Variants in PRKCB observed in about 807,000 individuals in gnomAD.
PRKCB encodes the protein protein kinase C beta type.
A neutral mutation model predicts 81.5 loss-of-function variants in PRKCB; 13 were observed. The observed-to-expected ratio is 0.16, with a 90% CI of 0.10 to 0.25. The LOEUF (loss-of-function observed/expected upper bound fraction) is 0.25, where lower values mean the gene tolerates loss of function less well. Among genes scored for constraint, PRKCB ranks in the 10% least tolerant of loss-of-function variants. The probability of loss-of-function intolerance (pLI) is 1.00; values close to 1 mark genes in which losing one functional copy is unlikely to be tolerated. For missense variants in PRKCB, 509 were observed against 875.7 expected (o/e 0.58, Z 5.29); for synonymous variants, 335 against 321.4 (o/e 1.04, Z -0.45).
At chr16:23,982,270 CCCTTT>C (rs1261364622) in intron 2 of PRKCB, among the ~76,000 whole-genome samples, 115 of 68,320 alleles carry the variant, frequency 1.7e-3, no homozygotes, top group African/African-American at 3.5e-3. Flanking sequence ...CCCTTCCCTT[CCCTTT>C]CCCTTCTCCT....
At chr16:23,857,850 T>C (rs1388584321) in intron 2 of PRKCB, among the ~76,000 whole-genome samples, 1 of 152,186 alleles carries the variant, frequency 6.6e-6, no homozygotes, top group Non-Finnish European at 1.5e-5. Flanking sequence ...GCCATTAACT[T>C]GAGCTGACAT....
intron 10 of PRKCB, among the ~76,000 whole-genome samples, chr16:24,156,032 G>C (rs756222571): frequency 2.0e-5 from 3 of 152,118 alleles, no homozygotes; most frequent in Non-Finnish European, 2.9e-5. Context: ...AGCGACTGAT[G>C]GTTGGTGCCT....
At chr16:23,937,009 T>C (rs1964070453) in intron 2 of PRKCB, among the ~76,000 whole-genome samples, 2 of 152,256 alleles carry the variant, frequency 1.3e-5, no homozygotes, top group South Asian at 4.1e-4. Context: ...TCTGAAATTG[T>C]AGTAGGTACA....
Position 23,836,384 on chromosome 16 carries a change from C to G in PRKCB, c.173+36C>G, listed in dbSNP as rs367714554. On this transcript the variant is annotated intron_variant, in intron 1 of 16. Transcript: ENST00000643927. The stretch of plus-strand genomic sequence containing the variant: ...GCGCGCAGGGCACCTTCCCGGGCCC[C>G]CGAGGGCAGCGCCGCGCCAGGGACC... 7 of 1,590,078 alleles carry G rather than the reference C, an allele frequency of 4.4e-6. No individual in the cohort carries two copies. The Admixed American group carries it at 1.2e-4, about 27-fold the overall frequency.
chr16:23,865,517 A>ATGTG (rs1160958906), intron 2 of PRKCB, among the ~76,000 whole-genome samples: 5 of 6,756 alleles, frequency 7.4e-4, no homozygotes, highest in Non-Finnish European at 9.7e-4. Flanking sequence ...ATATATATAT[A>ATGTG]TGTGTGTGTG....
chr16:23,977,816 G>A (rs1002848449), intron 2 of PRKCB, among the ~76,000 whole-genome samples: 1 of 152,064 alleles, frequency 6.6e-6, no homozygotes, highest in African/African-American at 2.4e-5. Flanking sequence ...TGTTGGGGCC[G>A]GCTGCCCACA....
chr16:23,901,230 G>A (rs1223141994), intron 2 of PRKCB, among the ~76,000 whole-genome samples: 5 of 152,140 alleles, frequency 3.3e-5, no homozygotes, highest in Admixed American at 2.6e-4. Flanking sequence ...AGTTCATACA[G>A]CACAGCAAGA....
chr16:24,208,378 A>ATTT (rs1261318509), intron 16 of PRKCB: 2 of 152,284 alleles, frequency 1.3e-5, no homozygotes, highest in Non-Finnish European at 2.9e-5. Flanking sequence ...TGAAACAGAA[A>ATTT]TTAAAAGAGA....
In PRKCB at chr16:24,058,677, A is replaced by G. The variant is rs146217755; in HGVS notation, c.529+23130A>G. ...GAGAGAAGCATGAATGTTACCATGA[A>G]GGTGCCTAGGGTTTCTGGTGTGTTC... On this transcript the variant is annotated intron_variant, in intron 5 of 16. Coordinates refer to ENST00000643927, the MANE Select transcript of PRKCB (RefSeq NM_002738.7). Among the ~76,000 whole-genome samples, 18 of 152,300 alleles carry G rather than the reference A, an allele frequency of 1.2e-4. No homozygotes were observed. The East Asian group carries it at 3.5e-3, about 29-fold the overall frequency.
Position 23,941,430 on chromosome 16 carries a change from C to T in PRKCB, c.206-47078C>T, listed in dbSNP as rs1290195858. Among the ~76,000 whole-genome samples, 4 of 152,078 alleles carry T rather than the reference C, an allele frequency of 2.6e-5. No homozygotes were observed. In the East Asian group the frequency reaches 5.8e-4, roughly 22 times the overall value. On this transcript the variant is annotated intron_variant, in intron 2 of 16. Coordinates refer to ENST00000643927, the MANE Select transcript of PRKCB (RefSeq NM_002738.7). The stretch of plus-strand genomic sequence containing the variant: ...CTCTTACCCTAGCATCATACATACA[C>T]AAAAATCTAACAAAGATAAGGCAAA...
intron 2 of PRKCB, among the ~76,000 whole-genome samples, chr16:23,972,075 T>C (rs1964564515): frequency 6.6e-6 from 1 of 152,208 alleles, no homozygotes; most frequent in Non-Finnish European, 1.5e-5. Flanking sequence ...AACTTTAGAA[T>C]AATCATATAA....
intron 16 of PRKCB, among the ~76,000 whole-genome samples, chr16:24,204,546 G>A (rs1160114415): frequency 6.6e-6 from 1 of 152,174 alleles, no homozygotes; most frequent in African/African-American, 2.4e-5. Context: ...CTATTTGAGG[G>A]TGAGTTTACT....
At chr16:24,002,836 C>T (rs1292952338) in intron 3 of PRKCB, among the ~76,000 whole-genome samples, 5 of 152,082 alleles carry the variant, frequency 3.3e-5, no homozygotes, top group South Asian at 2.1e-4. Context: ...CCAGATGCCT[C>T]GTTTGCCCTT....
In PRKCB at chr16:24,197,045, G is replaced by A. The variant is rs185723004; in HGVS notation, c.1863+5815G>A. On this transcript the variant is annotated intron_variant, in intron 16 of 16. Coordinates refer to ENST00000643927, the MANE Select transcript of PRKCB (RefSeq NM_002738.7). ...GTGTGCTGGTTCTGTCCTCTGGTGG[G>A]GATGTTGTCAGATATTGAGTTATCC... 3.3e-3 allele frequency among the ~76,000 whole-genome samples: 498 copies of A among 152,276 alleles called. 16 individuals are homozygous for A. The highest frequency in any genetic ancestry group is 3.4e-4 in the Non-Finnish European group (23 of 68,032).
chr16:24,048,203 T>C (rs970317149), intron 5 of PRKCB, among the ~76,000 whole-genome samples: 20 of 152,186 alleles, frequency 1.3e-4, no homozygotes, highest in Non-Finnish European at 1.5e-5. Flanking sequence ...CTCAGCCATG[T>C]CGTATAATCC....
chr16:23,990,436 C>T (rs540093945), intron 3 of PRKCB, among the ~76,000 whole-genome samples: 332 of 147,794 alleles, frequency 2.2e-3, no homozygotes, highest in African/African-American at 7.8e-3. Flanking sequence ...CCAGCCTGGG[C>T]GACAGAGTGA....
intron 3 of PRKCB, among the ~76,000 whole-genome samples, chr16:23,991,425 G>A (rs1964884470): frequency 6.6e-6 from 1 of 152,136 alleles, no homozygotes; most frequent in South Asian, 2.1e-4. Context: ...AATAGGCAGG[G>A]GAGTTTGGGG....
intron 5 of PRKCB, among the ~76,000 whole-genome samples, chr16:24,075,958 A>T (rs1458267663): frequency 6.6e-6 from 1 of 152,060 alleles, no homozygotes; most frequent in African/African-American, 2.4e-5. Flanking sequence ...GTTTGTTATT[A>T]TACTTTAAGT....
chr16:23,930,477 G>C (rs1963956816), intron 2 of PRKCB, among the ~76,000 whole-genome samples: 1 of 152,042 alleles, frequency 6.6e-6, no homozygotes, highest in African/African-American at 2.4e-5. Flanking sequence ...GCTGAGGTGG[G>C]AGAACTACTT....
Sources: allele counts gnomAD v4.1 joint callset (sites outside exome capture counted in the v4.1 genomes callset), GRCh38; gene constraint gnomAD v4.1.1; transcripts MANE v1.5; gene names NCBI Gene and HGNC (gene_info 2026-07-23, HGNC 2026-07-21).